The following DPYD variants were observed in gnomAD, a reference collection of about 807,000 sequenced individuals.
DPYD encodes dihydropyrimidine dehydrogenase.
Under a neutral mutation model 116.2 loss-of-function variants are expected in DPYD, and 109 were observed. That is an observed-to-expected ratio of 0.94 (90% CI 0.80 to 1.10). The LOEUF (loss-of-function observed/expected upper bound fraction) is 1.10. Among genes scored for constraint, DPYD ranks in the 50% least tolerant of loss-of-function variants. The pLI is 0.00. For synonymous variants in DPYD, 440 were observed against 432.0 expected, an observed-to-expected ratio of 1.02 and a Z score of -0.23; for missense variants, 1,302 against 1,254.5, an observed-to-expected ratio of 1.04 and a Z score of -0.57.
chr1:97,662,223 C>G (rs959575293), intron 8 of DPYD, among the ~76,000 whole-genome samples: 7 of 150,976 alleles, frequency 4.6e-5, no homozygotes, highest in Non-Finnish European at 5.9e-5. Context: ...GATGGTCTCT[C>G]GATCTCCTGA....
intron 16 of DPYD, among the ~76,000 whole-genome samples, chr1:97,368,869 T>C (rs1671173333): frequency 6.6e-6 from 1 of 152,226 alleles, no homozygotes; most frequent in Non-Finnish European, 1.5e-5. Context: ...TATTGTTGCA[T>C]GACAATGCAG....
intron 3 of DPYD, among the ~76,000 whole-genome samples, chr1:97,802,638 C>G (rs1667897750): frequency 6.6e-6 from 1 of 151,910 alleles, no homozygotes; most frequent in East Asian, 1.9e-4. Context: ...AGACACCTGA[C>G]TTTTGAGATC....
intron 18 of DPYD, among the ~76,000 whole-genome samples, chr1:97,269,741 C>T (rs1249594605): frequency 9.9e-5 from 15 of 151,972 alleles, no homozygotes; most frequent in Admixed American, 9.8e-4. Context: ...AGTCACCAGC[C>T]CTATTGCATT....
chr1:97,725,317 T>C (rs1663187276), intron 4 of DPYD, among the ~76,000 whole-genome samples: 1 of 151,488 alleles, frequency 6.6e-6, no homozygotes, highest in South Asian at 2.1e-4. Flanking sequence ...AATACCTAAA[T>C]AAATGAAAAT....
intron 14 of DPYD, among the ~76,000 whole-genome samples, chr1:97,415,579 C>T (rs543515697): frequency 9.9e-5 from 15 of 152,274 alleles, no homozygotes; most frequent in African/African-American, 3.6e-4. Flanking sequence ...ACCTTGGTCT[C>T]CCAAAGTGCT....
At chr1:97,205,726 C>G (rs975466335) in intron 19 of DPYD, among the ~76,000 whole-genome samples, 1 of 152,056 alleles carries the variant, frequency 6.6e-6, no homozygotes, top group African/African-American at 2.4e-5. Flanking sequence ...CATCCAGTTG[C>G]TCTGTCCTTC....
At chr1:97,739,620 G>A (rs1208676329) in intron 4 of DPYD, among the ~76,000 whole-genome samples, 1 of 152,066 alleles carries the variant, frequency 6.6e-6, no homozygotes, top group Non-Finnish European at 1.5e-5. Context: ...TATCTTTACA[G>A]CATTTTAGAA....
intron 18 of DPYD, among the ~76,000 whole-genome samples, chr1:97,274,324 G>A (rs1248411431): frequency 1.3e-5 from 2 of 152,122 alleles, no homozygotes; most frequent in Non-Finnish European, 2.9e-5. Context: ...TAATGCATGA[G>A]TTCTAGCAAT....
intron 19 of DPYD, among the ~76,000 whole-genome samples, chr1:97,207,554 A>T (rs1467434459): frequency 6.6e-6 from 1 of 152,160 alleles, no homozygotes; most frequent in African/African-American, 2.4e-5. Flanking sequence ...CTCTTATGAT[A>T]GTCCCCTTTA....
At chr1:97,496,893 G>T (rs1159010471) in intron 13 of DPYD, among the ~76,000 whole-genome samples, 1 of 151,872 alleles carries the variant, frequency 6.6e-6, no homozygotes, top group Non-Finnish European at 1.5e-5. Flanking sequence ...ATTACACAGA[G>T]TATAAAATAC....
chr1:97,882,834 T>C (rs1197864558), intron 2 of DPYD, among the ~76,000 whole-genome samples: 2 of 152,058 alleles, frequency 1.3e-5, no homozygotes, highest in African/African-American at 2.4e-5. Context: ...TACCAGTGTA[T>C]CTATAGCTTT....
intron 14 of DPYD, among the ~76,000 whole-genome samples, chr1:97,432,200 T>C (rs1675217488): frequency 6.6e-6 from 1 of 152,118 alleles, no homozygotes; most frequent in African/African-American, 2.4e-5. Context: ...GATATAGTGA[T>C]TTCTTTTGGA....
intron 14 of DPYD, among the ~76,000 whole-genome samples, chr1:97,436,773 A>C (rs906464785): frequency 2.6e-5 from 4 of 151,992 alleles, no homozygotes; most frequent in Admixed American, 1.3e-4. Context: ...TTTTAACTTC[A>C]TGTTAATTCC....
At chr1:97,370,617 GTTTA>G (rs1671268361) in intron 16 of DPYD, among the ~76,000 whole-genome samples, 1 of 152,044 alleles carries the variant, frequency 6.6e-6, no homozygotes, top group Non-Finnish European at 1.5e-5. Flanking sequence ...ATATGCACTT[GTTTA>G]TTTCTTTGTT....
chr1:97,505,097 A>G (rs976692359), intron 13 of DPYD, among the ~76,000 whole-genome samples: 1 of 152,060 alleles, frequency 6.6e-6, no homozygotes, highest in Admixed American at 6.6e-5. Context: ...TAGACGATGC[A>G]AACATAAACC....
chr1:97,596,460 T>A (rs367873212), intron 8 of DPYD, among the ~76,000 whole-genome samples: 3 of 152,292 alleles, frequency 2.0e-5, no homozygotes, highest in African/African-American at 7.2e-5. Flanking sequence ...AAAGTGTAAA[T>A]GAAGAAAATC....
intron 3 of DPYD, among the ~76,000 whole-genome samples, chr1:97,811,000 C>G (rs76770633): frequency 6.6e-6 from 1 of 152,098 alleles, no homozygotes; most frequent in South Asian, 2.1e-4. Context: ...TCATCTACCC[C>G]ATGCCCACAA....
chr1:97,199,185 C>T (rs537126709), intron 19 of DPYD, among the ~76,000 whole-genome samples: 1 of 152,214 alleles, frequency 6.6e-6, no homozygotes, highest in East Asian at 1.9e-4. Context: ...TACATTATTT[C>T]TTTCAGTACT....
chr1:97,082,294 T>C, intron 22 of DPYD, 36 bp downstream of exon 22: 1 of 1,612,732 alleles, frequency 6.2e-7, no homozygotes, highest in Non-Finnish European at 8.5e-7. Flanking sequence ...AGAAGAAACA[T>C]GTCTCATAGC....
Sources: allele counts gnomAD v4.1 joint callset (sites outside exome capture counted in the v4.1 genomes callset), GRCh38; gene constraint gnomAD v4.1.1; transcripts MANE v1.5; gene names NCBI Gene and HGNC (gene_info 2026-07-23, HGNC 2026-07-21).